KIAA1328: variants seen among roughly 807,000 people sequenced by gnomAD.
KIAA1328 encodes protein hinderin.
A neutral mutation model predicts 68.1 loss-of-function variants in KIAA1328; 52 were observed. That is an observed-to-expected ratio of 0.76 (90% confidence interval 0.61 to 0.96). The LOEUF is 0.96. Ranked by LOEUF, KIAA1328 falls within the 40% of genes least tolerant of loss-of-function variation. The pLI is 0.00. For synonymous variants in KIAA1328, 232 were observed against 239.4 expected, an observed-to-expected ratio of 0.97 and a Z score of 0.28; for missense variants, 641 against 677.6, an observed-to-expected ratio of 0.95 and a Z score of 0.60.
At chr18:37,088,441 A>T (rs2057169268) in intron 7 of KIAA1328, among the ~76,000 whole-genome samples, 3 of 152,124 alleles carry the variant, frequency 2.0e-5, no homozygotes, top group African/African-American at 7.2e-5. Context: ...CTCTGTATTC[A>T]ATTAGAATGA....
chr18:36,975,776 T>C (rs921096595), intron 6 of KIAA1328, among the ~76,000 whole-genome samples: 1 of 152,212 alleles, frequency 6.6e-6, no homozygotes, highest in Non-Finnish European at 1.5e-5. Context: ...TTAAAGCTTT[T>C]TGTTTCTTTT....
At chr18:36,859,813 G>A (rs2047502725) in intron 4 of KIAA1328, among the ~76,000 whole-genome samples, 1 of 148,950 alleles carries the variant, frequency 6.7e-6, no homozygotes, top group Non-Finnish European at 1.5e-5. Context: ...TTTTTAATGT[G>A]AGTTGAATTT....
intron 9 of KIAA1328, among the ~76,000 whole-genome samples, chr18:37,176,372 T>C (rs1417689248): frequency 6.6e-6 from 1 of 152,244 alleles, no homozygotes; most frequent in Non-Finnish European, 1.5e-5. Flanking sequence ...CCTTTGTATG[T>C]AGAAATATTC....
chr18:36,874,529 G>T (rs749692993), intron 4 of KIAA1328, among the ~76,000 whole-genome samples: 1 of 152,132 alleles, frequency 6.6e-6, no homozygotes, highest in Non-Finnish European at 1.5e-5. Flanking sequence ...TTTTGATGGG[G>T]TTGTTTGTTT....
chr18:36,920,327 T>C (rs1006439198), intron 5 of KIAA1328, among the ~76,000 whole-genome samples: 3 of 152,170 alleles, frequency 2.0e-5, no homozygotes, highest in Non-Finnish European at 4.4e-5. Flanking sequence ...CATTGCTTAT[T>C]ATTGTCAACA....
In KIAA1328 at chr18:36,862,542, T is replaced by A. The variant is rs551333749; in HGVS notation, c.332+18240T>A. On this transcript the variant is annotated intron_variant, in intron 4 of 9. Coordinates refer to ENST00000280020, the MANE Select transcript of KIAA1328 (RefSeq NM_020776.3). Reference sequence around the variant, plus strand: ...GTTGTTGCATGTATCAATAATTTGTTCCTTTTTACTGCTGACTGGTATTCC... The same window carrying A: ...GTTGTTGCATGTATCAATAATTTGTACCTTTTTACTGCTGACTGGTATTCC... Among the ~76,000 whole-genome samples, 72 of 152,304 alleles carry A rather than the reference T, an allele frequency of 4.7e-4. 2 individuals carry two copies. In the South Asian group the frequency reaches 0.014, roughly 30 times the overall value.
At chr18:37,154,130 C>A (rs1357195019) in intron 7 of KIAA1328, among the ~76,000 whole-genome samples, 2 of 152,136 alleles carry the variant, frequency 1.3e-5, no homozygotes, top group African/African-American at 4.8e-5. Flanking sequence ...TCAATCCTAT[C>A]TGAACATTAG....
At chr18:36,959,185 T>C (rs72888941) in intron 5 of KIAA1328, 123 bp from the exon 6 acceptor site, 30,559 of 862,642 alleles carry the variant, frequency 0.035, 626 homozygotes, top group Middle Eastern at 0.053. Flanking sequence ...TTTATACTTA[T>C]GACTCTCGCC....
At chr18:37,151,887 G>C (rs1341382561) in intron 7 of KIAA1328, among the ~76,000 whole-genome samples, 1 of 152,014 alleles carries the variant, frequency 6.6e-6, no homozygotes, top group Non-Finnish European at 1.5e-5. Context: ...TTCCATATGG[G>C]AACTGCACTG....
chr18:37,076,712 G>A (rs966811947), intron 7 of KIAA1328, among the ~76,000 whole-genome samples: 86 of 151,904 alleles, frequency 5.7e-4, no homozygotes, highest in Non-Finnish European at 8.4e-4. Flanking sequence ...ACACCTCTAC[G>A]CAAATAAACT....
intron 7 of KIAA1328, among the ~76,000 whole-genome samples, chr18:37,088,535 A>C (rs1179728388): frequency 6.6e-6 from 1 of 152,032 alleles, no homozygotes; most frequent in Non-Finnish European, 1.5e-5. Flanking sequence ...TAGGGACATT[A>C]TAGTTCTTCT....
At chr18:36,982,224 A>C (rs1183950994) in intron 6 of KIAA1328, among the ~76,000 whole-genome samples, 1 of 148,756 alleles carries the variant, frequency 6.7e-6, no homozygotes, top group Non-Finnish European at 1.5e-5. Flanking sequence ...TTTTGAAGAA[A>C]TAATGGCCAA....
downstream of KIAA1328, among the ~76,000 whole-genome samples, chr18:37,225,762 A>G (rs1430895630): frequency 6.6e-6 from 1 of 152,164 alleles, no homozygotes; most frequent in Non-Finnish European, 1.5e-5. Context: ...CTCAATTCTG[A>G]GATCACACCT....
At chr18:37,029,202 TA>T (rs1182627247) in intron 6 of KIAA1328, among the ~76,000 whole-genome samples, 12 of 122,780 alleles carry the variant, frequency 9.8e-5, no homozygotes, top group Admixed American at 1.6e-4. Context: ...TGAAACTCAA[TA>T]TTTTTTTTTC....
chr18:37,216,899 C>CTTTTT (rs762745405), intron 9 of KIAA1328, among the ~76,000 whole-genome samples: 5 of 90,356 alleles, frequency 5.5e-5, no homozygotes, highest in Non-Finnish European at 1.1e-4. Context: ...TTCTTTGTCT[C>CTTTTT]TTTTTTTTTT....
chr18:37,149,027 T>A (rs1398320322), intron 7 of KIAA1328, among the ~76,000 whole-genome samples: 1 of 152,202 alleles, frequency 6.6e-6, no homozygotes, highest in Non-Finnish European at 1.5e-5. Context: ...GATTCAGTGC[T>A]ATTCCATTAA....
rs1209191529 is a variant in KIAA1328, at chr18:36,872,909, TTTGA to T, written c.333-12643_333-12640del. 1.3e-5 allele frequency among the ~76,000 whole-genome samples: 2 copies of T among 152,298 alleles called. 1 individual carries two copies. Among genetic ancestry groups the T allele is most frequent in the South Asian group, 4.1e-4 (2 of 4,832 alleles). ...GGTAAGCTTCCTGGAGGCCCTATTG[TTTGA>T]TTGAAAGGTTTTGTGAGGCCCAACT... is the stretch of plus-strand genomic sequence containing the variant. On this transcript the variant is annotated intron_variant, in intron 4 of 9. Coordinates refer to ENST00000280020, the MANE Select transcript of KIAA1328 (RefSeq NM_020776.3).
At chr18:36,924,166 T>A (rs1383345386) in intron 5 of KIAA1328, among the ~76,000 whole-genome samples, 1 of 152,158 alleles carries the variant, frequency 6.6e-6, no homozygotes, top group Non-Finnish European at 1.5e-5. Context: ...TAGATGCTGG[T>A]GAGTTGATCT....
At chr18:37,056,757 T>G (rs2055925521) in intron 6 of KIAA1328, among the ~76,000 whole-genome samples, 1 of 152,076 alleles carries the variant, frequency 6.6e-6, no homozygotes, top group Admixed American at 6.6e-5. Flanking sequence ...TTCAAGCAGT[T>G]CTCCTGCTTC....
Sources: gnomAD v4.1 joint callset for allele counts (sites outside exome capture counted in the v4.1 genomes callset) on GRCh38, gnomAD v4.1.1 for gene constraint, MANE v1.5 for transcripts, NCBI Gene and HGNC (gene_info 2026-07-23, HGNC 2026-07-21) for gene names.